Variants in RBM19 observed in about 807,000 individuals in gnomAD.
The protein encoded by RBM19 is RNA binding motif protein 19.
In RBM19, 94 loss-of-function variants were observed where a neutral mutation model predicts 116.8. That is an observed-to-expected ratio of 0.80 (90% confidence interval 0.68 to 0.95). The LOEUF (loss-of-function observed/expected upper bound fraction) is 0.95. Among genes scored for constraint, RBM19 ranks in the 40% least tolerant of loss-of-function variants. The pLI, the probability that RBM19 is intolerant of heterozygous loss-of-function variation, is 0.00. For missense variants in RBM19, 1,161 were observed against 1,220.7 expected (o/e 0.95, Z 0.73); for synonymous variants, 475 against 494.1 (o/e 0.96, Z 0.51).
rs893952657 is a variant in RBM19, at chr12:113,879,446, T to TATATATATATACATAC, written c.2559-20551_2559-20550insGTATGTATATATATAT. Among the ~76,000 whole-genome samples the TATATATATATACATAC allele has an allele frequency of 2.8e-5, 4 of 142,328 alleles. No homozygotes were observed. In the Admixed American group the frequency reaches 3.0e-4, roughly 11 times the overall value. 93.4% of individuals were successfully genotyped at this position (142,328 alleles called of 152,430 possible). On this transcript the variant is annotated intron_variant, in intron 21 of 23. Coordinates refer to ENST00000261741, the MANE Select transcript of RBM19 (RefSeq NM_016196.4). Reference sequence around the variant, plus strand: ...TACATACATTTTATATATATATATATATATGGACTTTTCTTTTTTTAAGGG... The same window carrying TATATATATATACATAC: ...TACATACATTTTATATATATATATATATATATATATACATACATATGGACTTTTCTTTTTTTAAGGG...
At chr12:113,911,014 C>A (rs1238405069) in intron 21 of RBM19, among the ~76,000 whole-genome samples, 1 of 148,886 alleles carries the variant, frequency 6.7e-6, no homozygotes, top group African/African-American at 2.5e-5. Context: ...CACACATGTG[C>A]AACATACCTA....
chr12:113,941,124 G>A (rs934857361), intron 14 of RBM19, among the ~76,000 whole-genome samples: 2 of 152,168 alleles, frequency 1.3e-5, no homozygotes, highest in Admixed American at 1.3e-4. Flanking sequence ...CAATTACCTT[G>A]TTTCTGTGGG....
At chr12:113,929,807 CAG>C (rs1869443931) in intron 16 of RBM19, among the ~76,000 whole-genome samples, 1 of 152,216 alleles carries the variant, frequency 6.6e-6, no homozygotes, top group Non-Finnish European at 1.5e-5. Context: ...TCACAGAAAA[CAG>C]GGGGCCCAAG....
intron 21 of RBM19, among the ~76,000 whole-genome samples, chr12:113,863,204 C>CGTGTGT (rs1424355264): frequency 9.1e-5 from 9 of 98,404 alleles, no homozygotes; most frequent in Admixed American, 8.1e-4. Context: ...AGACACAATA[C>CGTGTGT]GTGTGTCTGT....
At chr12:113,907,356 C>T (rs948320121) in intron 21 of RBM19, among the ~76,000 whole-genome samples, 1 of 152,246 alleles carries the variant, frequency 6.6e-6, no homozygotes, top group African/African-American at 2.4e-5. Context: ...TTCCCAGTGC[C>T]GAGCAATGCA....
At chr12:113,817,111 G>A (rs940573965), downstream of RBM19, 1 of 152,192 alleles carries the variant, frequency 6.6e-6, no homozygotes, top group Non-Finnish European at 1.5e-5. Flanking sequence ...CGGGCGCTGC[G>A]AGAGACGGCC....
chr12:113,826,136 C>T (rs1014908368), intron 23 of RBM19, among the ~76,000 whole-genome samples: 1 of 152,214 alleles, frequency 6.6e-6, no homozygotes, highest in Non-Finnish European at 1.5e-5. Context: ...AGGGGCCTTA[C>T]CTTTTCAGTG....
rs557621205 is a variant in RBM19, at chr12:113,876,106, A to G, written c.2559-17210T>C. 1.4e-4 allele frequency among the ~76,000 whole-genome samples: 22 copies of G among 152,354 alleles called. No homozygotes were observed. The South Asian group carries it at 3.9e-3, about 27-fold the overall frequency. ...TCATGGGGCAAGGTGGGAAATAATTAAAACCAGACTAGGATTCTCTGACTG... is the reference window on the plus strand; with the variant it reads ...TCATGGGGCAAGGTGGGAAATAATTGAAACCAGACTAGGATTCTCTGACTG... On this transcript the variant is annotated intron_variant, in intron 21 of 23. Coordinates refer to ENST00000261741, the MANE Select transcript of RBM19 (RefSeq NM_016196.4).
chr12:113,830,722 A>G (rs1875342476), intron 23 of RBM19, among the ~76,000 whole-genome samples: 1 of 152,148 alleles, frequency 6.6e-6, no homozygotes, highest in Non-Finnish European at 1.5e-5. Context: ...GAAAAGGGAA[A>G]AAGAACCAGG....
intron 22 of RBM19, among the ~76,000 whole-genome samples, chr12:113,856,228 C>T (rs530218483): frequency 6.6e-6 from 1 of 152,184 alleles, no homozygotes; most frequent in African/African-American, 2.4e-5. Context: ...GAGGAGCTGC[C>T]ACCTCCATAA....
chr12:113,928,908 C>T (rs929336352), intron 16 of RBM19, among the ~76,000 whole-genome samples: 1 of 152,080 alleles, frequency 6.6e-6, no homozygotes, highest in Admixed American at 6.5e-5. Context: ...TGAAGCTATT[C>T]CCATATCCCC....
At chr12:113,824,635 G>T (rs527864451) in intron 23 of RBM19, among the ~76,000 whole-genome samples, 189 of 152,120 alleles carry the variant, frequency 1.2e-3, no homozygotes, top group African/African-American at 4.5e-3. Context: ...CACAGCAGCG[G>T]CCTAGCCTTT....
chr12:113,924,627 C>G, intron 18 of RBM19, 70 bp downstream of exon 18: 1 of 1,369,356 alleles, frequency 7.3e-7, no homozygotes, highest in Non-Finnish European at 1.0e-6. Context: ...TTGTCTGAAG[C>G]TGGAGCTTCT....
chr12:113,861,670 C>T (rs962372140), intron 21 of RBM19, among the ~76,000 whole-genome samples: 5 of 151,948 alleles, frequency 3.3e-5, no homozygotes, highest in Non-Finnish European at 7.4e-5. Flanking sequence ...GCTAAGGGTC[C>T]GGAGAAAGGC....
At chr12:113,934,992 G>T (rs1002908551) in intron 16 of RBM19, among the ~76,000 whole-genome samples, 6 of 152,194 alleles carry the variant, frequency 3.9e-5, no homozygotes, top group African/African-American at 1.4e-4. Context: ...GGCAGTGAAG[G>T]AGACAGCCCC....
At position 113,829,353 on chromosome 12, in the gene RBM19, C is replaced by T. The variant is rs1076527; in HGVS notation, c.2786-6032G>A. ...GATCTGAGAGGGTCCTTGTGCAGAG[C>T]GGGTGGGCAGGAGCCTGGGCCGCAG... On this transcript the variant is annotated intron_variant, in intron 23 of 23. Transcript: ENST00000261741. Among the ~76,000 whole-genome samples, 890 of 152,254 alleles carry T rather than the reference C, an allele frequency of 5.8e-3. 10 individuals carry two copies. The highest frequency in any genetic ancestry group is 0.02 in the African/African-American group (843 of 41,534).
intron 21 of RBM19, among the ~76,000 whole-genome samples, chr12:113,863,744 T>C (rs764599723): frequency 2.4e-4 from 37 of 152,270 alleles, no homozygotes; most frequent in Middle Eastern, 6.8e-3. Flanking sequence ...AGAACAACGG[T>C]GTGATCTGAA....
At chr12:113,963,225 T>C (rs529273938) in intron 1 of RBM19, among the ~76,000 whole-genome samples, 1 of 152,336 alleles carries the variant, frequency 6.6e-6, no homozygotes, top group South Asian at 2.1e-4. Flanking sequence ...TTGTGCTAAT[T>C]TGCTATAGCT....
At chr12:113,831,734 C>G (rs1227121665) in intron 23 of RBM19, among the ~76,000 whole-genome samples, 1 of 152,226 alleles carries the variant, frequency 6.6e-6, no homozygotes, top group Non-Finnish European at 1.5e-5. Context: ...CCCACACGGA[C>G]AGCCGCTCCC....
Sources: allele counts gnomAD v4.1 joint callset (sites outside exome capture counted in the v4.1 genomes callset), GRCh38; gene constraint gnomAD v4.1.1; transcripts MANE v1.5; gene names NCBI Gene and HGNC (gene_info 2026-07-23, HGNC 2026-07-21).